Variants in HNRNPUL1 observed in about 807,000 individuals in gnomAD.
HNRNPUL1 encodes heterogeneous nuclear ribonucleoprotein U like 1.
A neutral mutation model predicts 108.5 loss-of-function variants in HNRNPUL1; 14 were observed. The ratio of observed to expected loss-of-function variants is 0.13; its 90% CI spans 0.09 to 0.20. The LOEUF (loss-of-function observed/expected upper bound fraction) is 0.20. Among genes scored for constraint, HNRNPUL1 ranks in the 10% least tolerant of loss-of-function variants. HNRNPUL1 has a pLI of 1.00. For synonymous variants in HNRNPUL1, 422 were observed against 445.2 expected (o/e 0.95, Z 0.66); for missense variants, 804 against 1,168.3 (o/e 0.69, Z 4.55).
intron 7 of HNRNPUL1, among the ~76,000 whole-genome samples, chr19:41,290,028 C>T (rs1035015663): frequency 3.3e-5 from 5 of 152,124 alleles, no homozygotes; most frequent in South Asian, 2.1e-4. Context: ...ATGGTCTTGA[C>T]GTGGGTGCAT....
intron 3 of HNRNPUL1, 40 bp from the exon 4 acceptor site, chr19:41,273,942 C>A: frequency 6.8e-7 from 1 of 1,464,396 alleles, no homozygotes; most frequent in Non-Finnish European, 9.6e-7. Context: ...TTGTGCTCAT[C>A]CATTGTTCTT....
intron 1 of HNRNPUL1, among the ~76,000 whole-genome samples, chr19:41,266,072 G>A (rs1278082291): frequency 2.0e-5 from 3 of 152,170 alleles, no homozygotes; most frequent in African/African-American, 7.2e-5. Context: ...AATGGGTTCG[G>A]GTAGACCTGC....
chr19:41,298,726 C>G (rs897446371), intron 10 of HNRNPUL1: 2 of 152,224 alleles, frequency 1.3e-5, no homozygotes. Flanking sequence ...CAAAGGCCAG[C>G]TATTTATAAG....
At chr19:41,266,387 T>A (rs919350968) in intron 1 of HNRNPUL1, among the ~76,000 whole-genome samples, 79 of 152,218 alleles carry the variant, frequency 5.2e-4, no homozygotes, top group African/African-American at 1.8e-3. Context: ...CAGCCGAGAT[T>A]ACGCCATTGC....
Position 41,300,670 on chromosome 19 carries a change from G to A in HNRNPUL1, c.1519-866G>A, listed in dbSNP as rs568434710. Among the ~76,000 whole-genome samples the A allele has an allele frequency of 2.6e-5, 4 of 152,306 alleles. No individual in the cohort carries two copies. In the South Asian group the frequency reaches 6.2e-4, roughly 24 times the overall value. On this transcript the variant is annotated intron_variant, in intron 10 of 14. Transcript: ENST00000392006. ...AGGGCCCGACATGAAGGAGGTGTTC[G>A]GTAAATGGAAGCCGATGTTGTTACT...
At chr19:41,267,691 AGGGCCCTTG>A (rs2034936918) in intron 1 of HNRNPUL1, among the ~76,000 whole-genome samples, 1 of 152,242 alleles carries the variant, frequency 6.6e-6, no homozygotes, top group Admixed American at 6.5e-5. Flanking sequence ...AGCCACTGGT[AGGGCCCTTG>A]GGGCCCTAAC....
rs189142016 is a variant in HNRNPUL1 at position 41,275,436 on chromosome 19, C to T, written c.647-723C>T. Among the ~76,000 whole-genome samples, 37 of 152,034 alleles carry T rather than the reference C, an allele frequency of 2.4e-4. 1 individual carries two copies. Among genetic ancestry groups the T allele is most frequent in the Middle Eastern group, 3.4e-3 (1 of 294 alleles). On this transcript the variant is annotated intron_variant, in intron 4 of 14. Transcript: ENST00000392006. ...CAGGAGAACAGAAGTTGCAGTGAGC[C>T]GAGATCATGCCTCCGTACTCCAGCC... is the stretch of plus-strand genomic sequence containing the variant.
rs182979943 is a variant in HNRNPUL1, at chr19:41,270,128, G to T, written c.418+1783G>T. On this transcript the variant is annotated intron_variant, in intron 2 of 14. Transcript: ENST00000392006. ...CTCCCAAGTAGCTGAGATTTCAGGC[G>T]CCTGCCACCACACCTGGCTAATTTT... Among the ~76,000 whole-genome samples the T allele has an allele frequency of 3.0e-3, 454 of 152,250 alleles. 2 individuals are homozygous for T. The highest frequency in any genetic ancestry group is 0.014 in the Middle Eastern group (4 of 294).
rs34512016 is a variant in HNRNPUL1, at chr19:41,277,952, C to CT, written c.787-1110dup. ...TTTAATACGAAATTAAGTCAGAAGG[C>CT]TTTTTTTTTTTTTTTAACTTAATAC... is the stretch of plus-strand genomic sequence containing the variant. On this transcript the variant is annotated intron_variant, in intron 5 of 14. Transcript: ENST00000392006. Among the ~76,000 whole-genome samples, 850 of 137,208 alleles carry CT rather than the reference C, an allele frequency of 6.2e-3. 4 individuals are homozygous for CT. Among genetic ancestry groups the CT allele is most frequent in the African/African-American group, 0.013 (496 of 37,284 alleles). The allele number at this position is 137,208 out of a possible 152,430, so 90.0% of individuals were successfully genotyped here. A position where few individuals can be genotyped will look rare whatever the true frequency, so the allele number is the denominator to read the frequency against.
rs897619182 is a variant in HNRNPUL1 at position 41,264,432 on chromosome 19, A to T, written c.-72A>T. The T allele has an allele frequency of 1.2e-5, 14 of 1,212,622 alleles. No homozygotes were observed. Among genetic ancestry groups the T allele is most frequent in the Admixed American group, 3.9e-5 (1 of 25,444 alleles). 75.1% of individuals were successfully genotyped at this position (1,212,622 alleles called of 1,614,324 possible). A position where few individuals can be genotyped will look rare whatever the true frequency, so the allele number is the denominator to read the frequency against. ...CCCCTTTCCCCCTTCGCCTCCTGAC[A>T]GGAAAGGTTTAAGGGGGACAGAGCC... is the stretch of plus-strand genomic sequence containing the variant. On this transcript the variant is annotated 5_prime_UTR_variant, in exon 1 of 15. Transcript: ENST00000392006.
intron 14 of HNRNPUL1, among the ~76,000 whole-genome samples, chr19:41,306,223 A>G (rs1272924949): frequency 1.3e-5 from 2 of 152,110 alleles, no homozygotes; most frequent in African/African-American, 2.4e-5. Context: ...ATCTAGCTAT[A>G]CCCAAAAGGC....
upstream of HNRNPUL1, chr19:41,264,204 C>T: frequency 3.3e-6 from 1 of 306,968 alleles, no homozygotes. Flanking sequence ...CGTAGGCCAA[C>T]GCTTCCTCCC....
chr19:41,294,760 T>C lies in HNRNPUL1; in HGVS notation c.1518+74T>C. The stretch of plus-strand genomic sequence containing the variant: ...TGCATGCCTGAGAATCTCCCTCTGG[T>C]CCCTTTCTTTTTTCCCCCGTAATGA... On this transcript the variant is annotated intron_variant, in intron 10 of 14. Coordinates refer to ENST00000392006, the MANE Select transcript of HNRNPUL1 (RefSeq NM_007040.6). This position sits in a 1 kb window ranked among gnomAD's most constrained non-coding sequence, Gnocchi z 4.3. 6.4e-7 allele frequency: 1 copy of C among 1,569,976 alleles called. No individual in the cohort carries two copies. Among genetic ancestry groups the C allele is most frequent in the Middle Eastern group, 1.7e-4 (1 of 5,882 alleles).
Position 41,294,264 on chromosome 19 carries a change from C to T in HNRNPUL1, c.1267-74C>T. 1.9e-6 allele frequency: 3 copies of T among 1,564,182 alleles called. No homozygotes were observed. The South Asian group carries it at 3.5e-5, about 18-fold the overall frequency. On this transcript the variant is annotated intron_variant, in intron 8 of 14. Coordinates refer to ENST00000392006, the MANE Select transcript of HNRNPUL1 (RefSeq NM_007040.6). This position sits in a 1 kb window ranked among gnomAD's most constrained non-coding sequence, Gnocchi z 4.3. ...GCCACAGCTCAGAGGTCCAGAGTCA[C>T]ACTCACAGTCACCACCGAGCCAAGT...
At chr19:41,301,111 C>T (rs754868250) in intron 10 of HNRNPUL1, among the ~76,000 whole-genome samples, 11 of 152,258 alleles carry the variant, frequency 7.2e-5, no homozygotes, top group South Asian at 4.1e-4. Context: ...TAAAAGTGCA[C>T]GGAAGAAATT....
Position 41,264,639 on chromosome 19 carries a change from C to A in HNRNPUL1, c.136C>A (p.Arg46=). The change falls in exon 1 of 15, where the codon CGG becomes AGG. Residue 46 remains arginine, a synonymous_variant. Coordinates refer to ENST00000392006, the MANE Select transcript of HNRNPUL1 (RefSeq NM_007040.6). ...GGAGGCCGAGGAGCCTGACGACGAG[C>A]GGGAGCTCGACGCCGACGACGAACC... ...ALEAEEPDDE[R]ELDADDEPGR... 6.3e-7 allele frequency: 1 copy of A among 1,584,812 alleles called. No homozygotes were observed. The highest frequency in any genetic ancestry group is 8.5e-7 in the Non-Finnish European group (1 of 1,173,092).
At chr19:41,284,244 G>A (rs900889433) in intron 7 of HNRNPUL1, among the ~76,000 whole-genome samples, 1 of 152,186 alleles carries the variant, frequency 6.6e-6, no homozygotes, top group Admixed American at 6.5e-5. Flanking sequence ...GTCTGCAGCT[G>A]TAGTTGCCTG....
rs549016584 is a variant in HNRNPUL1 at position 41,302,648 on chromosome 19, C to A, written c.1688-17C>A. ...CCTCTTCTTCTTGTTCTCTTTGGGGCACTTCCTTCCTCCTAGCCAACTTCA... is the reference window on the plus strand; with the variant it reads ...CCTCTTCTTCTTGTTCTCTTTGGGGAACTTCCTTCCTCCTAGCCAACTTCA... On this transcript the variant is annotated splice_polypyrimidine_tract_variant and intron_variant, in intron 11 of 14. Coordinates refer to ENST00000392006, the MANE Select transcript of HNRNPUL1 (RefSeq NM_007040.6). 6.2e-7 allele frequency: 1 copy of A among 1,614,146 alleles called. No individual in the cohort carries two copies. The highest frequency in any genetic ancestry group is 2.2e-5 in the East Asian group (1 of 44,888).
chr19:41,302,600 G>A (rs774420782), intron 11 of HNRNPUL1, 65 bp from the exon 12 acceptor site: 16 of 1,594,502 alleles, frequency 1.0e-5, no homozygotes, highest in Non-Finnish European at 1.3e-5. Context: ...GGGTGGAGGG[G>A]ACCAGACTTC....
Sources: gnomAD v4.1 joint callset for allele counts (sites outside exome capture counted in the v4.1 genomes callset) on GRCh38, gnomAD v4.1.1 for gene constraint, Gnocchi (gnomAD v3.1) non-coding constraint, MANE v1.5 for transcripts, NCBI Gene and HGNC (gene_info 2026-07-23, HGNC 2026-07-21) for gene names.